CREBBP: variants seen among roughly 807,000 people sequenced by gnomAD.
The protein encoded by CREBBP is CREB-binding protein.
Under a neutral mutation model 265.0 loss-of-function variants are expected in CREBBP, and 19 were observed. That is an observed-to-expected ratio of 0.07 (90% CI 0.05 to 0.11). CREBBP has a LOEUF of 0.11. Among genes scored for constraint, CREBBP ranks in the 10% least tolerant of loss-of-function variants. CREBBP has a pLI of 1.00. For missense variants in CREBBP, 2,525 were observed against 3,219.0 expected (o/e 0.78, Z 5.22); for synonymous variants, 1,457 against 1,223.7 (o/e 1.19, Z -3.98).
intron 5 of CREBBP, among the ~76,000 whole-genome samples, chr16:3,787,385 T>C (rs547673798): frequency 1.8e-3 from 281 of 152,202 alleles, no homozygotes; most frequent in African/African-American, 6.5e-3. Flanking sequence ...ATGAAACACA[T>C]CACCCACGAC....
Position 3,727,404 on chromosome 16 carries a change from G to A in CREBBP, c.*314C>T. ...AACTTGTTTTTCCCGTTAAAAAAAG[G>A]CATGAGTCACCAGCAATGACGACAA... is the stretch of plus-strand genomic sequence containing the variant. On this transcript the variant is annotated 3_prime_UTR_variant, in exon 31 of 31. Transcript: ENST00000262367. The A allele has an allele frequency of 6.5e-6, 2 of 306,660 alleles. No homozygotes were observed. Among genetic ancestry groups the A allele is most frequent in the Non-Finnish European group, 1.2e-5 (2 of 165,028 alleles). The allele number at this position is 306,660 out of a possible 1,614,324, so 19.0% of individuals were successfully genotyped here. A position where few individuals can be genotyped will look rare whatever the true frequency, so the allele number is the denominator to read the frequency against.
intron 3 of CREBBP, among the ~76,000 whole-genome samples, chr16:3,794,751 T>C (rs1259203548): frequency 6.6e-5 from 10 of 152,352 alleles, no homozygotes; most frequent in East Asian, 5.8e-4. Flanking sequence ...TCTTCTTCTT[T>C]ACAAACTATA....
At chr16:3,798,511 T>C (rs939911389) in intron 3 of CREBBP, among the ~76,000 whole-genome samples, 4 of 152,080 alleles carry the variant, frequency 2.6e-5, no homozygotes, top group African/African-American at 9.7e-5. Flanking sequence ...AAAAAATAAG[T>C]GAAAGCTCTG....
intron 1 of CREBBP, among the ~76,000 whole-genome samples, chr16:3,859,251 G>A (rs1298896544): frequency 1.3e-5 from 2 of 151,600 alleles, no homozygotes; most frequent in African/African-American, 4.9e-5. Flanking sequence ...AGAGTGCAGT[G>A]GCACGATCTT....
intron 2 of CREBBP, among the ~76,000 whole-genome samples, chr16:3,818,891 G>A (rs376757435): frequency 3.9e-5 from 6 of 152,168 alleles, no homozygotes; most frequent in African/African-American, 7.2e-5. Flanking sequence ...GGGGCCCCCC[G>A]GAAAGGGCAG....
chr16:3,879,788 G>A (rs1051202108), intron 1 of CREBBP, 44 bp downstream of exon 1: 68 of 1,541,432 alleles, frequency 4.4e-5, no homozygotes, highest in Non-Finnish European at 5.1e-5. Context: ...AGGTGGGGGT[G>A]ACAGCGCGCC....
chr16:3,770,694 TGGACTGTAG>T lies in CREBBP; in HGVS notation c.2747_2755del (p.Pro916_Val918del). 1 of 1,614,008 alleles carries T rather than the reference TGGACTGTAG, an allele frequency of 6.2e-7. No individual in the cohort carries two copies. Among genetic ancestry groups the T allele is most frequent in the South Asian group, 1.1e-5 (1 of 91,078 alleles). On this transcript the variant is annotated inframe_deletion, in exon 14 of 31. Coordinates refer to ENST00000262367, the MANE Select transcript of CREBBP (RefSeq NM_004380.3). ...GGTCACCTGGGCCTGGGCTGCTGCC[TGGACTGTAG>T]GGGTGCTCTGGGTTTGGGTAGCACT...
At chr16:3,846,394 T>C (rs1186317062) in intron 2 of CREBBP, among the ~76,000 whole-genome samples, 1 of 152,250 alleles carries the variant, frequency 6.6e-6, no homozygotes, top group Non-Finnish European at 1.5e-5. Flanking sequence ...GAAGAGTATC[T>C]GAGATTATCT....
chr16:3,812,966 T>C (rs1475592791), intron 2 of CREBBP: 1 of 213,426 alleles, frequency 4.7e-6, no homozygotes, highest in African/African-American at 2.3e-5. Context: ...GCATGTCCAC[T>C]CTGGGTAACT....
intron 28 of CREBBP, among the ~76,000 whole-genome samples, chr16:3,732,364 G>T (rs1174846767): frequency 6.6e-6 from 1 of 152,110 alleles, no homozygotes; most frequent in Non-Finnish European, 1.5e-5. Context: ...GCTGCTGATG[G>T]GAAAAGCAGC....
At chr16:3,814,963 G>A (rs1362770887) in intron 2 of CREBBP, among the ~76,000 whole-genome samples, 1 of 152,182 alleles carries the variant, frequency 6.6e-6, no homozygotes, top group Non-Finnish European at 1.5e-5. Flanking sequence ...TCATTGCCCA[G>A]GCAAGGCTAC....
intron 22 of CREBBP, 47 bp from the exon 23 acceptor site, chr16:3,745,008 T>C (rs368539731): frequency 1.0e-5 from 14 of 1,372,618 alleles, no homozygotes; most frequent in African/African-American, 5.7e-5. Context: ...ATGATGTAAA[T>C]TGTCAAACCA....
At chr16:3,784,903 T>A (rs1192555167) in intron 5 of CREBBP, among the ~76,000 whole-genome samples, 1 of 152,214 alleles carries the variant, frequency 6.6e-6, no homozygotes, top group African/African-American at 2.4e-5. Context: ...GTTAGAGGCA[T>A]TCATTTTCTA....
chr16:3,760,615 G>A (rs1016888906), intron 16 of CREBBP, among the ~76,000 whole-genome samples: 8 of 151,876 alleles, frequency 5.3e-5, no homozygotes, highest in African/African-American at 1.9e-4. Context: ...TGTTGGCCAG[G>A]TTGGTCTCAA....
At chr16:3,866,979 A>G (rs1567375866) in intron 1 of CREBBP, among the ~76,000 whole-genome samples, 1 of 152,218 alleles carries the variant, frequency 6.6e-6, no homozygotes, top group Non-Finnish European at 1.5e-5. Flanking sequence ...AGTCATACTC[A>G]GTGTTTTACA....
At chr16:3,769,489 G>T in intron 14 of CREBBP, 136 bp from the exon 15 acceptor site, 1 of 1,060,884 alleles carries the variant, frequency 9.4e-7, no homozygotes, top group Non-Finnish European at 1.4e-6. Context: ...CTGTGAAACC[G>T]AAGAACAGGG....
intron 2 of CREBBP, among the ~76,000 whole-genome samples, chr16:3,815,797 A>G (rs978246293): frequency 1.2e-4 from 19 of 152,106 alleles, no homozygotes; most frequent in African/African-American, 4.6e-4. Context: ...TTTGTGTTAT[A>G]AACAATCCAA....
chr16:3,830,877 G>A (rs1444425310), intron 2 of CREBBP, among the ~76,000 whole-genome samples: 1 of 152,106 alleles, frequency 6.6e-6, no homozygotes, highest in African/African-American at 2.4e-5. Flanking sequence ...TACCTCCTGG[G>A]GTGAAGCGAT....
At chr16:3,784,751 C>A (rs796707951) in intron 5 of CREBBP, among the ~76,000 whole-genome samples, 1 of 152,182 alleles carries the variant, frequency 6.6e-6, no homozygotes, top group East Asian at 1.9e-4. Flanking sequence ...ATCCACACCT[C>A]CCCAAGTGCC....
Sources: allele counts gnomAD v4.1 joint callset (sites outside exome capture counted in the v4.1 genomes callset), GRCh38; gene constraint gnomAD v4.1.1; transcripts MANE v1.5; gene names NCBI Gene and HGNC (gene_info 2026-07-23, HGNC 2026-07-21).